TMEM187: variants seen among roughly 807,000 people sequenced by gnomAD.
TMEM187 encodes the protein transmembrane protein 187.
TMEM187 carries 14 observed loss-of-function variants against 11.8 expected under a neutral mutation model. The ratio of observed to expected loss-of-function variants is 1.18; its 90% CI spans 0.78 to 1.85. The LOEUF is 1.85. Ranked by LOEUF, TMEM187 falls within the 40% of genes most tolerant of loss-of-function variation. The pLI, the probability that TMEM187 is intolerant of heterozygous loss-of-function variation, is 0.00. For missense variants in TMEM187, 227 were observed against 243.9 expected, an observed-to-expected ratio of 0.93 and a Z score of 0.46; for synonymous variants, 112 against 118.5, an observed-to-expected ratio of 0.95 and a Z score of 0.36.
rs782364046 is a variant in TMEM187 at position 153,982,226 on chromosome X, C to T, written c.164C>T (p.Pro55Leu). The change falls in exon 2 of 2, where the codon CCG (proline) becomes CTG (leucine). Residue 55 changes from proline to leucine, a missense_variant. Pro to Leu is a moderately conservative substitution (Grantham distance 98). Transcript: ENST00000369982. ...GGCCTCCCTGCCTTCCTGGCCATGC[C>T]GTTCAACTCACTCGTGAACATGGCC... ...VAGLPAFLAM[P>L]FNSLVNMAYT... 1.6e-5 allele frequency: 19 copies of T among 1,211,494 alleles called. No homozygotes were observed. The highest frequency in any genetic ancestry group is 3.0e-5 in the East Asian group (1 of 33,824).
At chrX:153,974,124 C>T (rs1161966799) in intron 1 of TMEM187, among the ~76,000 whole-genome samples, 2 of 111,969 alleles carry the variant, frequency 1.8e-5, no homozygotes, top group African/African-American at 6.5e-5. Flanking sequence ...TGGACAGGTG[C>T]TTTGATTACA....
intron 1 of TMEM187, among the ~76,000 whole-genome samples, chrX:153,980,417 C>T (rs781863392): frequency 8.9e-6 from 1 of 111,956 alleles, no homozygotes; most frequent in Admixed American, 9.5e-5. Context: ...ACGTGGAAGC[C>T]CTCCTGGCGC....
At chrX:153,973,625 G>A (rs916161217) in intron 1 of TMEM187, among the ~76,000 whole-genome samples, 1 of 111,459 alleles carries the variant, frequency 9.0e-6, no homozygotes, top group Non-Finnish European at 1.9e-5. Context: ...CAGGGCTGCA[G>A]TGAGCTGAGA....
In TMEM187 at chrX:153,977,484, C is replaced by T. The variant is rs782701053; in HGVS notation, c.-213-4366C>T. Among the ~76,000 whole-genome samples, 12 of 110,855 alleles carry T rather than the reference C, an allele frequency of 1.1e-4. No individual in the cohort carries two copies. The East Asian group carries it at 1.4e-3, about 13-fold the overall frequency. On this transcript the variant is annotated intron_variant, in intron 1 of 1. Coordinates refer to ENST00000369982, the MANE Select transcript of TMEM187 (RefSeq NM_003492.3). ...CAAAAATTAGCCGGGCGTGATGGCCCGCCTGTACTTCCAGCTACTCGGGAG... is the reference window on the plus strand; with the variant it reads ...CAAAAATTAGCCGGGCGTGATGGCCTGCCTGTACTTCCAGCTACTCGGGAG...
chrX:153,974,840 C>G (rs2065571717), intron 1 of TMEM187, among the ~76,000 whole-genome samples: 1 of 112,539 alleles, frequency 8.9e-6, no homozygotes. Context: ...GGTGGCCCTC[C>G]TCAGCAACGG....
Position 153,979,494 on chromosome X carries a change from A to G in TMEM187, c.-213-2356A>G, listed in dbSNP as rs1355837991. ...CTTGGCCTTCCAAATTGCTGGGATT[A>G]CAGATGTGAGCCACCATGCCCAGCT... On this transcript the variant is annotated intron_variant, in intron 1 of 1. Transcript: ENST00000369982. 4.5e-5 allele frequency among the ~76,000 whole-genome samples: 5 copies of G among 110,333 alleles called. No homozygotes were observed. In the East Asian group the frequency reaches 1.4e-3, roughly 32 times the overall value.
chrX:153,978,898 C>T (rs782177530), intron 1 of TMEM187, among the ~76,000 whole-genome samples: 5 of 110,389 alleles, frequency 4.5e-5, no homozygotes, highest in Non-Finnish European at 7.6e-5. Flanking sequence ...GCAATTCTCC[C>T]GTCTCAGCCT....
In TMEM187 at chrX:153,982,923, G is replaced by A; in HGVS notation, c.*75G>A. 2.5e-6 allele frequency: 3 copies of A among 1,203,011 alleles called. No homozygotes were observed. Among genetic ancestry groups the A allele is most frequent in the Non-Finnish European group, 3.4e-6 (3 of 890,625 alleles). ...ACTCTGAGATGGCAGCGTGGTGCCA[G>A]TGTCAGACATCCTGTGTGTGATGAT... On this transcript the variant is annotated 3_prime_UTR_variant, in exon 2 of 2. Transcript: ENST00000369982.
intron 1 of TMEM187, among the ~76,000 whole-genome samples, chrX:153,974,962 G>C (rs1026861629): frequency 4.5e-5 from 5 of 112,085 alleles, no homozygotes; most frequent in African/African-American, 1.6e-4. Context: ...CAGAGGTGCT[G>C]GCTTTGTTCT....
Position 153,982,637 on chromosome X carries a change from C to T in TMEM187, c.575C>T (p.Thr192Ile), listed in dbSNP as rs782016795. Residue 192 changes from threonine to isoleucine, a missense_variant, in exon 2 of 2, where the codon ACC becomes ATC. Transcript: ENST00000369982. ...HRHYGSTTSA[T>I]YLALGVLSCL... ...CACTATGGCAGCACCACCTCGGCTA[C>T]CTACTTAGCTTTGGGGGTGCTCTCT... 1.2e-5 allele frequency: 14 copies of T among 1,211,260 alleles called. No homozygotes were observed. The highest frequency in any genetic ancestry group is 1.6e-5 in the Non-Finnish European group (14 of 895,477).
chrX:153,978,949 G>A (rs1413932253), intron 1 of TMEM187, among the ~76,000 whole-genome samples: 1 of 111,288 alleles, frequency 9.0e-6, no homozygotes, highest in Non-Finnish European at 1.9e-5. Context: ...ACCACGCCTG[G>A]TTAATTTTTT....
In TMEM187 at chrX:153,982,725, G is replaced by T. The variant is rs2065610470; in HGVS notation, c.663G>T (p.Gln221His). 1 of 1,211,049 alleles carries T rather than the reference G, an allele frequency of 8.3e-7. No homozygotes were observed. Among genetic ancestry groups the T allele is most frequent in the Non-Finnish European group, 1.1e-6 (1 of 895,472 alleles). Reference sequence around the variant, plus strand: ...AGCTCGCACGGTGGCGTCTCTTCCAGTGCCTCACAGGCCACTTCTGGTCCA... The same window carrying T: ...AGCTCGCACGGTGGCGTCTCTTCCATTGCCTCACAGGCCACTTCTGGTCCA... Reference protein sequence around the residue: ...DHQLARWRLFQCLTGHFWSKV... With the variant: ...DHQLARWRLFHCLTGHFWSKV... Residue 221 changes from glutamine (Q) to histidine (H), a missense_variant, in exon 2 of 2, where the codon CAG becomes CAT. Physicochemically the swap from Gln to His is conservative, Grantham distance 24. Transcript: ENST00000369982.
chrX:153,981,739 T>A (rs2065602649), intron 1 of TMEM187, 111 bp from the exon 2 acceptor site: 2 of 388,113 alleles, frequency 5.2e-6, no homozygotes, highest in East Asian at 9.1e-5. Context: ...TCACTCTGAT[T>A]TGCTTCTCCA....
In TMEM187 at chrX:153,982,397, C is replaced by T. The variant is rs868963177; in HGVS notation, c.335C>T (p.Ala112Val). ...LRLWTQWRRA[A>V]VLDQWLTLPI... is the part of the protein sequence containing the mutation. ...CTGTGGACGCAGTGGCGCCGTGCCG[C>T]GGTGCTGGACCAGTGGCTCACACTG... Residue 112 changes from alanine (A) to valine (V), a missense_variant, in exon 2 of 2, where the codon GCG (alanine) becomes GTG (valine). Physicochemically the swap from Ala to Val is moderately conservative, Grantham distance 64 (BLOSUM62 0). Coordinates refer to ENST00000369982, the MANE Select transcript of TMEM187 (RefSeq NM_003492.3). 28 of 1,198,226 alleles carry T rather than the reference C, an allele frequency of 2.3e-5. No individual in the cohort carries two copies. In the African/African-American group the frequency reaches 2.8e-4, roughly 12 times the overall value.
At chrX:153,977,444 A>G (rs1420431742) in intron 1 of TMEM187, among the ~76,000 whole-genome samples, 2 of 109,707 alleles carry the variant, frequency 1.8e-5, no homozygotes, top group Non-Finnish European at 3.8e-5. Context: ...GCAAAATCCC[A>G]TCTCTACTAA....
Position 153,982,431 on chromosome X carries a change from T to C in TMEM187, c.369T>C (p.Phe123=), listed in dbSNP as rs782064943. 1.2e-4 allele frequency: 142 copies of C among 1,201,178 alleles called. No individual in the cohort carries two copies. Among genetic ancestry groups the C allele is most frequent in the Non-Finnish European group, 1.6e-4 (140 of 893,739 alleles). Residue 123 remains phenylalanine, a synonymous_variant, in exon 2 of 2, where the codon TTT becomes TTC. Transcript: ENST00000369982. Reference sequence around the variant, plus strand: ...ACCAGTGGCTCACACTGCCCATCTTTGCATGGCCCGTGGCCTGGTGCCTCT... The same window carrying C: ...ACCAGTGGCTCACACTGCCCATCTTCGCATGGCCCGTGGCCTGGTGCCTCT... ...VLDQWLTLPI[F]AWPVAWCLYL...
chrX:153,973,647 C>T (rs929734466), intron 1 of TMEM187, among the ~76,000 whole-genome samples: 3 of 109,227 alleles, frequency 2.7e-5, no homozygotes, highest in Non-Finnish European at 3.8e-5. Flanking sequence ...CGCGCCACTG[C>T]TCCAGCCTGG....
intron 1 of TMEM187, among the ~76,000 whole-genome samples, chrX:153,973,257 C>T (rs1266637231): frequency 8.9e-6 from 1 of 112,650 alleles, no homozygotes; most frequent in Non-Finnish European, 1.9e-5. Context: ...AAAGTCGCCT[C>T]TCAACATATT....
chrX:153,979,325 A>G (rs1232029599), intron 1 of TMEM187, among the ~76,000 whole-genome samples: 4 of 109,207 alleles, frequency 3.7e-5, no homozygotes, highest in Non-Finnish European at 7.6e-5. Context: ...CCTCCTGAGG[A>G]GCTGGGACTA....
Sources: allele counts gnomAD v4.1 joint callset (sites outside exome capture counted in the v4.1 genomes callset), GRCh38; gene constraint gnomAD v4.1.1; transcripts MANE v1.5; gene names NCBI Gene and HGNC (gene_info 2026-07-23, HGNC 2026-07-21).